Variants in SRRM2 observed in about 807,000 individuals in gnomAD.
The protein encoded by SRRM2 is serine/arginine repetitive matrix protein 2.
A neutral mutation model predicts 213.8 loss-of-function variants in SRRM2; 30 were observed. The observed-to-expected ratio is 0.14, with a 90% CI of 0.10 to 0.19. The LOEUF is 0.19. Among genes scored for constraint, SRRM2 ranks in the 10% least tolerant of loss-of-function variants. SRRM2 has a pLI of 1.00. For synonymous variants in SRRM2, 2,025 were observed against 1,377.7 expected (o/e 1.47, Z -10.40); for missense variants, 4,904 against 3,647.0 (o/e 1.34, Z -8.88).
rs377066633 is a variant in SRRM2 at position 2,761,682 on chromosome 16, C to G, written c.1154C>G (p.Pro385Arg). Residue 385 changes from proline to arginine, a missense_variant, in exon 11 of 15, where the codon CCC becomes CGC. Physicochemically the swap from Pro to Arg is moderately radical, Grantham distance 103 (BLOSUM62 -2). Coordinates refer to ENST00000301740, the MANE Select transcript of SRRM2 (RefSeq NM_016333.4). The stretch of plus-strand genomic sequence containing the variant: ...TCCCCACAACCCCTTGCAACCACCC[C>G]CTTAAGCCAGGAGCCAGTGAACCCC... ...GGSPQPLATT[P>R]LSQEPVNPPS... 1 of 1,602,506 alleles carries G rather than the reference C, an allele frequency of 6.2e-7. No homozygotes were observed. The highest frequency in any genetic ancestry group is 1.1e-5 in the South Asian group (1 of 89,234).
At chr16:2,760,077 G>T (rs918940936) in intron 9 of SRRM2, 1 of 591,710 alleles carries the variant, frequency 1.7e-6, no homozygotes, top group African/African-American at 1.9e-5. Flanking sequence ...GGGGAGGTGA[G>T]TAAAGGGGTA....
chr16:2,762,759 A>T lies in SRRM2; in HGVS notation c.2231A>T (p.Asn744Ile). Residue 744 changes from asparagine to isoleucine, a missense_variant, in exon 11 of 15, where the codon AAT (asparagine) becomes ATT (isoleucine). Transcript: ENST00000301740. ...ACATCTCAAAGAAGAAGCAGGTCCA[A>T]TTCAAGCCCAGAAATGAAGAAATCT... The part of the protein sequence containing the change: ...SRTSQRRSRS[N>I]SSPEMKKSRI... 6.2e-7 allele frequency: 1 copy of T among 1,614,170 alleles called. No individual in the cohort carries two copies. Among genetic ancestry groups the T allele is most frequent in the Non-Finnish European group, 8.5e-7 (1 of 1,180,038 alleles).
chr16:2,764,324 A>C lies in SRRM2; in HGVS notation c.3796A>C (p.Ser1266Arg), dbSNP rs572711454. 1 of 1,614,222 alleles carries C rather than the reference A, an allele frequency of 6.2e-7. No homozygotes were observed. The highest frequency in any genetic ancestry group is 1.3e-5 in the African/African-American group (1 of 75,064). Residue 1266 changes from serine to arginine, a missense_variant, in exon 11 of 15, where the codon AGT becomes CGT. Transcript: ENST00000301740. ...TTCAGAACTTAAAGAAATGTCCACA[A>C]GTAACTTTGAATCATCTCCTGAAGT... ...LSSELKEMSTSNFESSPEVEE... is the reference protein window; with the variant it reads ...LSSELKEMSTRNFESSPEVEE...
In SRRM2 at chr16:2,764,862, C is replaced by T; in HGVS notation, c.4334C>T (p.Pro1445Leu). The T allele has an allele frequency of 6.2e-7, 1 of 1,614,174 alleles. No individual in the cohort carries two copies. Among genetic ancestry groups the T allele is most frequent in the Non-Finnish European group, 8.5e-7 (1 of 1,180,030 alleles). The change falls in exon 11 of 15, where the codon CCA (proline) becomes CTA (leucine). Residue 1445 changes from proline to leucine, a missense_variant. Transcript: ENST00000301740. ...PSRRSRSGSS[P>L]GLRDGSGTPS... is the part of the protein sequence containing the mutation. ...AGGAGAAGCAGGTCTGGGTCTTCTC[C>T]AGGACTTAGAGATGGGTCTGGGACT...
In SRRM2 at chr16:2,766,327, T is replaced by C. The variant is rs2068541578; in HGVS notation, c.5799T>C (p.Arg1933=). 1.2e-6 allele frequency: 2 copies of C among 1,613,932 alleles called. No individual in the cohort carries two copies. Among genetic ancestry groups the C allele is most frequent in the South Asian group, 1.1e-5 (1 of 91,070 alleles). ...CCAGAACGCCACCAGTAACCCGCCG[T>C]CGTTCAAGGTCTAGAACGCCAACAA... ...SRSRTPPVTR[R]RSRSRTPTTR... Residue 1933 remains arginine (R), a synonymous_variant, in exon 11 of 15, where the codon CGT becomes CGC. Coordinates refer to ENST00000301740, the MANE Select transcript of SRRM2 (RefSeq NM_016333.4). This position sits in a 1 kb window ranked among gnomAD's most constrained non-coding sequence, Gnocchi z 7.0.
At chr16:2,755,796 C>T (rs1036732529) in intron 1 of SRRM2, among the ~76,000 whole-genome samples, 5 of 152,024 alleles carry the variant, frequency 3.3e-5, no homozygotes, top group Non-Finnish European at 7.4e-5. Context: ...ATTTCATATT[C>T]GTATAGGGTG....
chr16:2,759,094 C>G, intron 6 of SRRM2, 46 bp from the exon 7 acceptor site: 1 of 1,614,156 alleles, frequency 6.2e-7, no homozygotes, highest in Non-Finnish European at 8.5e-7. Context: ...TTGCTGAATT[C>G]AGGCAGAGGT....
At chr16:2,770,203 C>T (rs2068692376) in intron 12 of SRRM2, 149 bp from the exon 13 acceptor site, 5 of 1,449,350 alleles carry the variant, frequency 3.4e-6, no homozygotes, top group Non-Finnish European at 4.6e-6. Context: ...GGTGTGCGGG[C>T]GGATGGGTGA....
At position 2,769,042 on chromosome 16, in the gene SRRM2, A is replaced by G. The variant is rs775020289; in HGVS notation, c.7779A>G (p.Gly2593=). The G allele has an allele frequency of 2.5e-6, 4 of 1,613,838 alleles. No individual in the cohort carries two copies. Among genetic ancestry groups the G allele is most frequent in the African/African-American group, 1.3e-5 (1 of 74,838 alleles). Residue 2593 remains glycine, a synonymous_variant, in exon 12 of 15, where the codon GGA becomes GGG. Coordinates refer to ENST00000301740, the MANE Select transcript of SRRM2 (RefSeq NM_016333.4). ...TPAPKEAVRE[G]RPPEPTPAKR... ...CCCCAAAGGAGGCTGTTCGAGAGGG[A>G]CGTCCTCCGGAGCCAACCCCAGCCA...
At position 2,762,932 on chromosome 16, in the gene SRRM2, T is replaced by A; in HGVS notation, c.2404T>A (p.Ser802Thr). The A allele has an allele frequency of 6.2e-7, 1 of 1,610,406 alleles. No individual in the cohort carries two copies. Among genetic ancestry groups the A allele is most frequent in the East Asian group, 2.2e-5 (1 of 44,866 alleles). Residue 802 changes from serine to threonine, a missense_variant, in exon 11 of 15, where the codon TCC (serine) becomes ACC (threonine). Transcript: ENST00000301740. ...ACCCAGGCGCAGTCGCTCTGGATCC[T>A]CCCAACCTAAAGCTAAATCTAGAAC... Reference protein sequence around the residue: ...TPPRRSRSGSSQPKAKSRTPP... With the variant: ...TPPRRSRSGSTQPKAKSRTPP...
rs1365067189 is a variant in SRRM2 at position 2,768,413 on chromosome 16, G to C, written c.7733+152G>C. 9.7e-6 allele frequency: 8 copies of C among 821,862 alleles called. No homozygotes were observed. The Admixed American group carries it at 1.1e-4, about 11-fold the overall frequency. The allele number at this position is 821,862 out of a possible 1,614,324, so 50.9% of individuals were successfully genotyped here. ...AAGCTGGGGGTAGAAGAGAATGCTGGGGCAGGGGGCGGAGGGAGGAGGAAT... is the reference window on the plus strand; with the variant it reads ...AAGCTGGGGGTAGAAGAGAATGCTGCGGCAGGGGGCGGAGGGAGGAGGAAT... On this transcript the variant is annotated intron_variant, in intron 11 of 14. Coordinates refer to ENST00000301740, the MANE Select transcript of SRRM2 (RefSeq NM_016333.4).
rs1318864660 is a variant in SRRM2, at chr16:2,759,170, T to C, written c.687T>C (p.His229=). ...AATCTGAGTCCAAGAAACGTAAGCA[T>C]AGGTAAGAGCTCTTTAACTCATAGG... ...RSESESKKRK[H]RSPTPKSKRK... The change falls in exon 7 of 15, where the codon CAT becomes CAC. Residue 229 remains histidine (H), a splice_region_variant and synonymous_variant. Transcript: ENST00000301740. 2.5e-6 allele frequency: 4 copies of C among 1,614,190 alleles called. No homozygotes were observed. The highest frequency in any genetic ancestry group is 2.5e-6 in the Non-Finnish European group (3 of 1,180,040).
Position 2,767,110 on chromosome 16 carries a change from G to A in SRRM2, c.6582G>A (p.Arg2194=), listed in dbSNP as rs202095679. 6.2e-7 allele frequency: 1 copy of A among 1,614,142 alleles called. No individual in the cohort carries two copies. The highest frequency in any genetic ancestry group is 1.7e-5 in the Admixed American group (1 of 60,026). Residue 2194 remains arginine, a synonymous_variant, in exon 11 of 15, where the codon CGG becomes CGA. Coordinates refer to ENST00000301740, the MANE Select transcript of SRRM2 (RefSeq NM_016333.4). Reference sequence around the variant, plus strand: ...CAGCTATCAGTCTTGGCACCGCTCGGCCTCCTCCGTCCATGTCTGCTGCTG... The same window carrying A: ...CAGCTATCAGTCTTGGCACCGCTCGACCTCCTCCGTCCATGTCTGCTGCTG... ...ALTAISLGTA[R]PPPSMSAAGL...
At position 2,766,902 on chromosome 16, in the gene SRRM2, C is replaced by T; in HGVS notation, c.6374C>T (p.Thr2125Ile). The change falls in exon 11 of 15, where the codon ACA becomes ATA. Residue 2125 changes from threonine (T) to isoleucine (I), a missense_variant. Transcript: ENST00000301740. This position sits in a 1 kb window ranked among gnomAD's most constrained non-coding sequence, Gnocchi z 7.0. ...SCFSRPSMSP[T>I]PLDRCRSPGM... ...TTCAGTCGTCCTAGCATGTCCCCAA[C>T]ACCTCTTGATCGCTGCAGATCACCT... The T allele has an allele frequency of 2.5e-6, 4 of 1,614,174 alleles. No individual in the cohort carries two copies. Among genetic ancestry groups the T allele is most frequent in the Non-Finnish European group, 3.4e-6 (4 of 1,180,040 alleles).
At chr16:2,757,279 G>C (rs1004564837) in intron 2 of SRRM2, among the ~76,000 whole-genome samples, 193 bp from the exon 3 acceptor site, 5 of 152,072 alleles carry the variant, frequency 3.3e-5, no homozygotes, top group African/African-American at 1.2e-4. Flanking sequence ...AAAATCCACT[G>C]TTCTAGAGGG....
chr16:2,767,875 T>G lies in SRRM2; in HGVS notation c.7347T>G (p.Ser2449=). ...CTCCAGCACAGGATCAGCCGAGGTC[T>G]CCTGTGCCTTCTGCTTTTTCAGACC... ...LLPPAQDQPR[S]PVPSAFSDQS... is the part of the protein sequence containing the mutation. Residue 2449 remains serine, a synonymous_variant, in exon 11 of 15, where the codon TCT becomes TCG. Coordinates refer to ENST00000301740, the MANE Select transcript of SRRM2 (RefSeq NM_016333.4). 6.2e-7 allele frequency: 1 copy of G among 1,614,142 alleles called. No individual in the cohort carries two copies. Among genetic ancestry groups the G allele is most frequent in the Middle Eastern group, 1.6e-4 (1 of 6,062 alleles).
At position 2,758,495 on chromosome 16, in the gene SRRM2, C is replaced by T. The variant is rs369038065; in HGVS notation, c.541C>T (p.Arg181Cys). ...CCTTGTTCGGGAGTCTAGCAGTTCT[C>T]GCTCACCAACCCCAAAGCAGAAGAA... ...YSLVRESSSS[R>C]SPTPKQKKKK... The change falls in exon 5 of 15, where the codon CGC (arginine) becomes TGC (cysteine). Residue 181 changes from arginine to cysteine, a missense_variant. Transcript: ENST00000301740. The T allele has an allele frequency of 6.8e-6, 11 of 1,613,980 alleles. No individual in the cohort carries two copies. Among genetic ancestry groups the T allele is most frequent in the Admixed American group, 6.7e-5 (4 of 59,992 alleles).
chr16:2,769,455 C>T (rs950143025), intron 12 of SRRM2, 171 bp downstream of exon 12: 107 of 769,142 alleles, frequency 1.4e-4, no homozygotes, highest in Middle Eastern at 2.7e-4. Context: ...CCTGTTCTGG[C>T]GAAGGGCTGC....
Position 2,767,664 on chromosome 16 carries a change from A to T in SRRM2, c.7136A>T (p.Asn2379Ile). The T allele has an allele frequency of 2.5e-6, 4 of 1,613,916 alleles. No homozygotes were observed. The highest frequency in any genetic ancestry group is 3.4e-6 in the Non-Finnish European group (4 of 1,179,988). The change falls in exon 11 of 15, where the codon AAC (asparagine) becomes ATC (isoleucine). Residue 2379 changes from asparagine (N) to isoleucine (I), a missense_variant. Coordinates refer to ENST00000301740, the MANE Select transcript of SRRM2 (RefSeq NM_016333.4). ...ARMAPALSGA[N>I]LTSPRVPLSA... is the part of the protein sequence containing the mutation. The stretch of plus-strand genomic sequence containing the variant: ...ATGGCTCCAGCATTGTCTGGTGCAA[A>T]CCTCACCAGCCCCAGGGTGCCCCTT...
Sources: gnomAD v4.1 joint callset for allele counts (sites outside exome capture counted in the v4.1 genomes callset) on GRCh38, gnomAD v4.1.1 for gene constraint, Gnocchi (gnomAD v3.1) non-coding constraint, MANE v1.5 for transcripts, NCBI Gene and HGNC (gene_info 2026-07-23, HGNC 2026-07-21) for gene names.